RBFOX1: variants seen among roughly 807,000 people sequenced by gnomAD.
The protein encoded by RBFOX1 is RNA binding fox-1 homolog 1.
RBFOX1 carries 8 observed loss-of-function variants against 57.7 expected under a neutral mutation model. That is an observed-to-expected ratio of 0.14 (90% CI 0.08 to 0.25). The LOEUF (loss-of-function observed/expected upper bound fraction) is 0.25, where lower values mean the gene tolerates loss of function less well. Ranked by LOEUF, RBFOX1 falls within the 10% of genes least tolerant of loss-of-function variation. RBFOX1 has a pLI of 1.00. For synonymous variants in RBFOX1, 326 were observed against 222.4 expected (o/e 1.47, Z -4.15); for missense variants, 611 against 548.5 (o/e 1.11, Z -1.14).
intron 2 of RBFOX1, among the ~76,000 whole-genome samples, chr16:5,577,778 C>G (rs1338069958): frequency 6.6e-6 from 1 of 152,194 alleles, no homozygotes; most frequent in Non-Finnish European, 1.5e-5. Context: ...CGTGTTCACA[C>G]CAGGCGGCAT....
chr16:5,599,943 G>A (rs2047310263), exon 3 of RBFOX1: 1 of 152,112 alleles, frequency 6.6e-6, no homozygotes, highest in South Asian at 2.1e-4. Context: ...AAGGTAAGAG[G>A]ATTGCTTGAG....
chr16:7,467,179 C>A (rs2060678176), intron 4 of RBFOX1, among the ~76,000 whole-genome samples: 2 of 152,130 alleles, frequency 1.3e-5, no homozygotes, highest in African/African-American at 2.4e-5. Context: ...TTCTTTGCAT[C>A]CCTATGTGCT....
At chr16:6,993,073 C>G (rs909331273) in intron 3 of RBFOX1, among the ~76,000 whole-genome samples, 1 of 152,132 alleles carries the variant, frequency 6.6e-6, no homozygotes, top group South Asian at 2.1e-4. Context: ...CAGTCATTCC[C>G]TAATTTCTTT....
At chr16:6,128,164 T>C (rs1428215886) in intron 1 of RBFOX1, among the ~76,000 whole-genome samples, 5 of 152,198 alleles carry the variant, frequency 3.3e-5, no homozygotes, top group African/African-American at 1.2e-4. Flanking sequence ...TCTTGACAAT[T>C]TTTGTATCAA....
chr16:7,302,176 G>A (rs1411942961), intron 4 of RBFOX1, among the ~76,000 whole-genome samples: 2 of 152,178 alleles, frequency 1.3e-5, no homozygotes, highest in African/African-American at 4.8e-5. Flanking sequence ...GGATGTGTGA[G>A]CCCCAGAGAG....
intron 2 of RBFOX1, among the ~76,000 whole-genome samples, chr16:5,522,559 C>T (rs932687704): frequency 1.3e-5 from 2 of 152,204 alleles, no homozygotes; most frequent in Non-Finnish European, 2.9e-5. Context: ...TTCAAATCCT[C>T]TCTTCTAGCT....
chr16:7,631,932 CAA>C (rs1352971514), intron 11 of RBFOX1, among the ~76,000 whole-genome samples: 1 of 152,136 alleles, frequency 6.6e-6, no homozygotes, highest in Non-Finnish European at 1.5e-5. Context: ...GGTTTTGAGA[CAA>C]AGTCTCACTC....
At chr16:6,215,915 G>A (rs1393822693) in intron 1 of RBFOX1, among the ~76,000 whole-genome samples, 4 of 152,148 alleles carry the variant, frequency 2.6e-5, no homozygotes, top group South Asian at 2.1e-4. Flanking sequence ...GGAGTAAAAG[G>A]CAGTGATAAC....
chr16:6,490,989 ATTTG>A (rs759578885), intron 2 of RBFOX1, among the ~76,000 whole-genome samples: 1 of 152,172 alleles, frequency 6.6e-6, no homozygotes, highest in South Asian at 2.1e-4. Flanking sequence ...TGAAACCAGA[ATTTG>A]TTGTTCAGTG....
intron 1 of RBFOX1, among the ~76,000 whole-genome samples, chr16:6,203,515 T>C (rs2152834093): frequency 6.6e-6 from 1 of 152,318 alleles, no homozygotes; most frequent in South Asian, 2.1e-4. Context: ...TTTCCATATA[T>C]TGGCTATTGT....
chr16:6,195,907 G>A (rs1434760439), intron 1 of RBFOX1, among the ~76,000 whole-genome samples: 1 of 152,104 alleles, frequency 6.6e-6, no homozygotes, highest in African/African-American at 2.4e-5. Flanking sequence ...TCCAGAAAGA[G>A]ATAAACGGGC....
chr16:7,671,419 G>T, intron 13 of RBFOX1: 1 of 711,762 alleles, frequency 1.4e-6, no homozygotes, highest in Non-Finnish European at 2.3e-6. Flanking sequence ...TCAGCTTGGT[G>T]GGCCAGTCCC....
chr16:5,406,785 A>G (rs1292471136), intron 1 of RBFOX1, among the ~76,000 whole-genome samples: 1 of 152,118 alleles, frequency 6.6e-6, no homozygotes, highest in Admixed American at 6.6e-5. Flanking sequence ...TCCAATAGTG[A>G]ACTCTCATGA....
chr16:7,040,272 G>A (rs1374542736), intron 3 of RBFOX1, among the ~76,000 whole-genome samples: 2 of 152,012 alleles, frequency 1.3e-5, no homozygotes, highest in African/African-American at 2.4e-5. Flanking sequence ...TCCTGCCTCA[G>A]CCTCCCAAAG....
intron 1 of RBFOX1, among the ~76,000 whole-genome samples, chr16:5,279,663 G>A (rs186230857): frequency 1.6e-4 from 24 of 152,126 alleles, no homozygotes; most frequent in African/African-American, 5.5e-4. Flanking sequence ...CACCATGCCT[G>A]GCTAATTGTT....
At chr16:5,424,965 TC>T (rs202106271) in intron 1 of RBFOX1, among the ~76,000 whole-genome samples, 34 of 45,812 alleles carry the variant, frequency 7.4e-4, no homozygotes, top group Non-Finnish European at 1.3e-3. Context: ...TGTTTCTTTC[TC>T]TTTCTTTCTT....
At chr16:5,858,362 G>A (rs1431468061) in intron 3 of RBFOX1, among the ~76,000 whole-genome samples, 2 of 152,146 alleles carry the variant, frequency 1.3e-5, no homozygotes, top group Non-Finnish European at 2.9e-5. Flanking sequence ...CAGGGTGACT[G>A]ATGGGCTTGT....
At chr16:6,933,887 A>T (rs1417380607) in intron 3 of RBFOX1, among the ~76,000 whole-genome samples, 1 of 152,242 alleles carries the variant, frequency 6.6e-6, no homozygotes, top group African/African-American at 2.4e-5. Context: ...TTGTCAAAAC[A>T]AAGTTATTGA....
At chr16:6,180,421 C>T (rs898322679) in intron 1 of RBFOX1, among the ~76,000 whole-genome samples, 1 of 151,276 alleles carries the variant, frequency 6.6e-6, no homozygotes, top group Non-Finnish European at 1.5e-5. Flanking sequence ...TAAAATTGTC[C>T]ATAAGATACC....
Sources: allele counts gnomAD v4.1 joint callset (sites outside exome capture counted in the v4.1 genomes callset), GRCh38; gene constraint gnomAD v4.1.1; transcripts MANE v1.5; gene names NCBI Gene and HGNC (gene_info 2026-07-23, HGNC 2026-07-21).